Variants in ZFHX3 observed in about 807,000 individuals in gnomAD.
The protein encoded by ZFHX3 is zinc finger homeobox protein 3.
Under a neutral mutation model 279.1 loss-of-function variants are expected in ZFHX3, and 42 were observed. The observed-to-expected ratio is 0.15, with a 90% CI of 0.12 to 0.19. The LOEUF (loss-of-function observed/expected upper bound fraction) is 0.19. ZFHX3 is among the 10% of genes least tolerant of loss of function. ZFHX3 has a pLI of 1.00. For missense variants in ZFHX3, 4,981 were observed against 4,754.0 expected, an observed-to-expected ratio of 1.05 and a Z score of -1.40; for synonymous variants, 2,293 against 1,957.8, an observed-to-expected ratio of 1.17 and a Z score of -4.52.
intron 1 of ZFHX3, among the ~76,000 whole-genome samples, chr16:73,713,328 G>A (rs899329324): frequency 6.6e-6 from 1 of 152,082 alleles, no homozygotes; most frequent in Non-Finnish European, 1.5e-5. Flanking sequence ...TTCTCCATTA[G>A]CAAGTCCTAC....
intron 3 of ZFHX3, among the ~76,000 whole-genome samples, chr16:73,444,388 T>C (rs1305892216): frequency 1.3e-5 from 2 of 152,194 alleles, no homozygotes; most frequent in African/African-American, 4.8e-5. Flanking sequence ...AATGACCATT[T>C]TTCTCTACCA....
chr16:73,710,257 T>C (rs564014076), intron 1 of ZFHX3, among the ~76,000 whole-genome samples: 1 of 152,312 alleles, frequency 6.6e-6, no homozygotes, highest in East Asian at 1.9e-4. Flanking sequence ...AATCAGAGCC[T>C]CCCATTTAGC....
intron 4 of ZFHX3, among the ~76,000 whole-genome samples, chr16:72,843,604 G>A (rs2037403746): frequency 6.6e-6 from 1 of 151,258 alleles, no homozygotes; most frequent in South Asian, 2.1e-4. Flanking sequence ...AGCTGTGTAG[G>A]GAAGAAGTGC....
At chr16:72,970,445 C>G (rs1344579526) in intron 1 of ZFHX3, among the ~76,000 whole-genome samples, 1 of 152,120 alleles carries the variant, frequency 6.6e-6, no homozygotes, top group Non-Finnish European at 1.5e-5. Flanking sequence ...ATTTCCACAA[C>G]AAGAAAGACA....
In ZFHX3 at chr16:72,797,998, C is replaced by T. The variant is rs1567519323; in HGVS notation, c.4684G>A (p.Val1562Ile). Residue 1562 changes from valine to isoleucine, a missense_variant, in exon 9 of 10, where the codon GTA becomes ATA. Physicochemically the swap from Val to Ile is conservative, Grantham distance 29. Coordinates refer to ENST00000268489, the MANE Select transcript of ZFHX3 (RefSeq NM_006885.4). ...ESFTQKNILL[V>I]HYNSVSHLHK... Reference sequence around the variant, plus strand: ...AGGTGGGAGACAGAATTGTAGTGTACTAGCAGGATATTCTTTTGAGTGAAA... The same window carrying T: ...AGGTGGGAGACAGAATTGTAGTGTATTAGCAGGATATTCTTTTGAGTGAAA... 1 of 1,614,196 alleles carries T rather than the reference C, an allele frequency of 6.2e-7. No individual in the cohort carries two copies. The highest frequency in any genetic ancestry group is 8.5e-7 in the Non-Finnish European group (1 of 1,180,034).
At chr16:73,719,732 C>T (rs986142228) in intron 1 of ZFHX3, among the ~76,000 whole-genome samples, 1 of 152,070 alleles carries the variant, frequency 6.6e-6, no homozygotes, top group African/African-American at 2.4e-5. Context: ...CTCCGGGGTT[C>T]AAGCGATTCT....
intron 1 of ZFHX3, among the ~76,000 whole-genome samples, chr16:73,030,004 G>C (rs1457765883): frequency 6.6e-6 from 1 of 152,078 alleles, no homozygotes; most frequent in African/African-American, 2.4e-5. Flanking sequence ...AAACTCTTAG[G>C]CATGTTTTGT....
At chr16:73,017,277 C>T (rs1964136470) in intron 1 of ZFHX3, among the ~76,000 whole-genome samples, 1 of 150,372 alleles carries the variant, frequency 6.7e-6, no homozygotes, top group Non-Finnish European at 1.5e-5. Context: ...GCTGAGTGGG[C>T]AATTTGAATG....
chr16:73,778,122 T>C (rs1959321246), intron 1 of ZFHX3, among the ~76,000 whole-genome samples: 1 of 150,900 alleles, frequency 6.6e-6, no homozygotes, highest in East Asian at 1.9e-4. Context: ...ATAGAGCAGA[T>C]GTTGAAAATG....
chr16:73,804,179 CT>C (rs1353646766), intron 1 of ZFHX3, among the ~76,000 whole-genome samples: 1 of 151,928 alleles, frequency 6.6e-6, no homozygotes, highest in Non-Finnish European at 1.5e-5. Flanking sequence ...AAAAACAAAA[CT>C]AGAAACATAA....
chr16:73,174,266 A>AAACAACAACAACAAC (rs140975222), intron 5 of ZFHX3, among the ~76,000 whole-genome samples: 3 of 149,006 alleles, frequency 2.0e-5, no homozygotes, highest in South Asian at 4.4e-4. Flanking sequence ...TGTTCACACA[A>AAACAACAACAACAAC]AACAACAACA....
intron 2 of ZFHX3, among the ~76,000 whole-genome samples, chr16:73,511,497 C>T (rs937863341): frequency 3.3e-5 from 5 of 152,214 alleles, no homozygotes; most frequent in Non-Finnish European, 7.3e-5. Context: ...AAATTCTGTG[C>T]TCTCTGTGAA....
At chr16:73,545,951 A>G (rs187741740) in intron 2 of ZFHX3, among the ~76,000 whole-genome samples, 1 of 152,168 alleles carries the variant, frequency 6.6e-6, no homozygotes, top group Non-Finnish European at 1.5e-5. Flanking sequence ...AGCCTAAACA[A>G]TGACGGCTTC....
chr16:73,735,005 C>T (rs957252129), intron 1 of ZFHX3, among the ~76,000 whole-genome samples: 1 of 152,068 alleles, frequency 6.6e-6, no homozygotes, highest in African/African-American at 2.4e-5. Context: ...ACCAATACAA[C>T]AGACAACTTG....
At chr16:73,850,583 A>G (rs1259974946) in intron 1 of ZFHX3, among the ~76,000 whole-genome samples, 1 of 152,130 alleles carries the variant, frequency 6.6e-6, no homozygotes, top group Admixed American at 6.5e-5. Context: ...TTTCAGGTGA[A>G]GTCTCCTTTC....
At chr16:73,866,339 C>T (rs1364586107) in intron 1 of ZFHX3, among the ~76,000 whole-genome samples, 2 of 151,798 alleles carry the variant, frequency 1.3e-5, no homozygotes, top group Non-Finnish European at 2.9e-5. Context: ...CCACCATGCC[C>T]AGCTAATTTT....
chr16:72,799,245 T>G (rs1567520581), intron 8 of ZFHX3, among the ~76,000 whole-genome samples: 1 of 152,242 alleles, frequency 6.6e-6, no homozygotes, highest in Non-Finnish European at 1.5e-5. Flanking sequence ...GCATTTAATT[T>G]CTTGTTATAA....
intron 3 of ZFHX3, among the ~76,000 whole-genome samples, chr16:73,391,211 C>T (rs887511166): frequency 1.3e-5 from 2 of 152,128 alleles, no homozygotes; most frequent in Admixed American, 6.5e-5. Context: ...CGCGGTGGCT[C>T]ATGCCTGTAA....
chr16:73,675,880 C>A (rs1285577524), intron 2 of ZFHX3, among the ~76,000 whole-genome samples: 2 of 151,850 alleles, frequency 1.3e-5, no homozygotes, highest in East Asian at 3.9e-4. Flanking sequence ...TCAGCCTTGC[C>A]TCAGATATGA....
Sources: gnomAD v4.1 joint callset for allele counts (sites outside exome capture counted in the v4.1 genomes callset) on GRCh38, gnomAD v4.1.1 for gene constraint, MANE v1.5 for transcripts, NCBI Gene and HGNC (gene_info 2026-07-23, HGNC 2026-07-21) for gene names.